Variants in CADM2 observed in about 807,000 individuals in gnomAD.
CADM2 encodes immunoglobulin superfamily member 4D.
In CADM2, 12 loss-of-function variants were observed where a neutral mutation model predicts 49.8. The ratio of observed to expected loss-of-function variants is 0.24; its 90% CI spans 0.15 to 0.39. CADM2 has a LOEUF of 0.39. Ranked by LOEUF, CADM2 falls within the 10% of genes least tolerant of loss-of-function variation. CADM2 has a pLI of 1.00. For missense variants in CADM2, 378 were observed against 492.3 expected (o/e 0.77, Z 2.20); for synonymous variants, 214 against 175.4 (o/e 1.22, Z -1.74).
chr3:85,959,265 G>A (rs568670140), intron 7 of CADM2, among the ~76,000 whole-genome samples: 2 of 151,562 alleles, frequency 1.3e-5, no homozygotes, highest in South Asian at 4.2e-4. Flanking sequence ...GGCCTCTCCT[G>A]GCATGCTTCC....
intron 1 of CADM2, among the ~76,000 whole-genome samples, chr3:85,172,237 C>T (rs2040648582): frequency 6.6e-6 from 1 of 152,108 alleles, no homozygotes; most frequent in African/African-American, 2.4e-5. Flanking sequence ...CCTGATACTG[C>T]CCAGCCTAAG....
chr3:85,886,135 A>G, intron 4 of CADM2, 55 bp from the exon 5 acceptor site: 1 of 1,599,258 alleles, frequency 6.3e-7, no homozygotes, highest in Non-Finnish European at 8.5e-7. Context: ...AATAGACATA[A>G]TAACAAATCA....
chr3:85,303,680 G>T (rs1321979284), intron 1 of CADM2, among the ~76,000 whole-genome samples: 1 of 151,840 alleles, frequency 6.6e-6, no homozygotes, highest in African/African-American at 2.4e-5. Context: ...GTATCAAATA[G>T]CCTATATAAT....
At chr3:85,070,073 T>C (rs959902141) in intron 1 of CADM2, among the ~76,000 whole-genome samples, 1 of 152,008 alleles carries the variant, frequency 6.6e-6, no homozygotes, top group African/African-American at 2.4e-5. Context: ...ATAAGCAAAA[T>C]TTTTTTTCTG....
intron 1 of CADM2, among the ~76,000 whole-genome samples, chr3:85,532,763 C>A (rs1371991902): frequency 6.6e-6 from 1 of 152,252 alleles, no homozygotes; most frequent in Middle Eastern, 3.4e-3. Context: ...AACCTAAATG[C>A]CCATCAGTGA....
At chr3:85,001,510 A>G (rs2033461585) in intron 1 of CADM2, among the ~76,000 whole-genome samples, 1 of 152,094 alleles carries the variant, frequency 6.6e-6, no homozygotes, top group Admixed American at 6.6e-5. Context: ...ATCTTTTTTA[A>G]AAAATAATAC....
chr3:85,970,107 A>G (rs1003676695), intron 8 of CADM2, among the ~76,000 whole-genome samples: 1 of 151,142 alleles, frequency 6.6e-6, no homozygotes, highest in African/African-American at 2.4e-5. Context: ...TATTGAAAAA[A>G]AAAAAGACGT....
Position 85,035,918 on chromosome 3 carries a change from G to A in CADM2, c.61+76250G>A, listed in dbSNP as rs367603437. 3.9e-5 allele frequency among the ~76,000 whole-genome samples: 6 copies of A among 152,232 alleles called. No individual in the cohort carries two copies. In the South Asian group the frequency reaches 8.3e-4, roughly 21 times the overall value. ...TATTCATTGCTTTAAGCAATCTAAAGTTATAGAATAAATAATCGTAACTGC... is the reference window on the plus strand; with the variant it reads ...TATTCATTGCTTTAAGCAATCTAAAATTATAGAATAAATAATCGTAACTGC... On this transcript the variant is annotated intron_variant, in intron 1 of 9. Coordinates refer to ENST00000383699, the MANE Select transcript of CADM2 (RefSeq NM_001167675.2).
At chr3:85,424,334 C>T (rs1353986652) in intron 1 of CADM2, among the ~76,000 whole-genome samples, 1 of 151,156 alleles carries the variant, frequency 6.6e-6, no homozygotes, top group Non-Finnish European at 1.5e-5. Flanking sequence ...ATATATATGT[C>T]TTCTATATAA....
chr3:85,956,957 T>C (rs190553759), intron 7 of CADM2, among the ~76,000 whole-genome samples: 2 of 151,798 alleles, frequency 1.3e-5, no homozygotes, highest in African/African-American at 4.8e-5. Context: ...CCTCCTAAGA[T>C]ACTAAATTAC....
At chr3:85,177,406 G>A (rs984014889) in intron 1 of CADM2, among the ~76,000 whole-genome samples, 1 of 151,670 alleles carries the variant, frequency 6.6e-6, no homozygotes, top group African/African-American at 2.4e-5. Context: ...TTTATTTAGC[G>A]TTTGAAAGTT....
chr3:85,395,135 C>T (rs1193962608), intron 1 of CADM2, among the ~76,000 whole-genome samples: 1 of 150,712 alleles, frequency 6.6e-6, no homozygotes, highest in African/African-American at 2.4e-5. Context: ...AAAAATAAAG[C>T]AATAAAGATA....
chr3:85,882,077 G>A (rs1248239798), intron 3 of CADM2, among the ~76,000 whole-genome samples: 1 of 152,088 alleles, frequency 6.6e-6, no homozygotes, highest in Non-Finnish European at 1.5e-5. Flanking sequence ...ATGGCCTAGG[G>A]ATTGGGGACC....
chr3:86,040,414 G>A (rs950569408), intron 8 of CADM2, among the ~76,000 whole-genome samples: 5 of 152,296 alleles, frequency 3.3e-5, no homozygotes, highest in Non-Finnish European at 5.9e-5. Flanking sequence ...GAAAACCAAG[G>A]TATGAGAACT....
rs775772487 is a variant in CADM2, at chr3:85,726,506, C to G, written c.62-16C>G. ...TATGTTTGTTCTCTTCTTGTGCAACCTTTCCTTGGTACCAGCGGCTGCTTC... is the reference window on the plus strand; with the variant it reads ...TATGTTTGTTCTCTTCTTGTGCAACGTTTCCTTGGTACCAGCGGCTGCTTC... On this transcript the variant is annotated splice_polypyrimidine_tract_variant and intron_variant, in intron 1 of 9. Transcript: ENST00000383699. 3 of 1,612,018 alleles carry G rather than the reference C, an allele frequency of 1.9e-6. No homozygotes were observed. In the African/African-American group the frequency reaches 4.0e-5, roughly 22 times the overall value.
At chr3:86,055,063 C>T (rs557683013) in intron 8 of CADM2, among the ~76,000 whole-genome samples, 31 of 152,250 alleles carry the variant, frequency 2.0e-4, no homozygotes, top group African/African-American at 6.7e-4. Context: ...ATAAAATAAA[C>T]TAGGCACTGT....
At chr3:85,621,200 T>C (rs1044622555) in intron 1 of CADM2, among the ~76,000 whole-genome samples, 8 of 152,126 alleles carry the variant, frequency 5.3e-5, no homozygotes, top group Non-Finnish European at 7.4e-5. Context: ...ATTTTCCAGA[T>C]GATCAGAAAC....
chr3:86,072,020 C>T lies in CADM2; in HGVS notation c.*5237C>T, dbSNP rs1392584944. 2.6e-5 allele frequency: 4 copies of T among 151,738 alleles called. No individual in the cohort carries two copies. Among genetic ancestry groups the T allele is most frequent in the Non-Finnish European group, 5.9e-5 (4 of 67,860 alleles). 9.4% of individuals were successfully genotyped at this position (151,738 alleles called of 1,614,324 possible). A position where few individuals can be genotyped will look rare whatever the true frequency, so the allele number is the denominator to read the frequency against. On this transcript the variant is annotated 3_prime_UTR_variant, in exon 10 of 10. Coordinates refer to ENST00000383699, the MANE Select transcript of CADM2 (RefSeq NM_001167675.2). Reference sequence around the variant, plus strand: ...AAATTTAAGTATTTTAAAAATCATCCTTATTAATAAATAATCCTCATATAA... The same window carrying T: ...AAATTTAAGTATTTTAAAAATCATCTTTATTAATAAATAATCCTCATATAA...
intron 1 of CADM2, among the ~76,000 whole-genome samples, chr3:85,031,540 A>C (rs1397454092): frequency 6.6e-6 from 1 of 151,986 alleles, no homozygotes; most frequent in African/African-American, 2.4e-5. Context: ...TTTGAGACGG[A>C]GTCTCGCTCT....
Sources: gnomAD v4.1 joint callset for allele counts (sites outside exome capture counted in the v4.1 genomes callset) on GRCh38, gnomAD v4.1.1 for gene constraint, MANE v1.5 for transcripts, NCBI Gene and HGNC (gene_info 2026-07-23, HGNC 2026-07-21) for gene names.